Variants in SLC39A11 observed in about 807,000 individuals in gnomAD.
SLC39A11 encodes solute carrier family 39 member 11, also known as zinc transporter ZIP11.
SLC39A11 carries 33 observed loss-of-function variants against 36.1 expected under a neutral mutation model. That is an observed-to-expected ratio of 0.91 (90% CI 0.69 to 1.22). SLC39A11 has a LOEUF of 1.22. SLC39A11 is among the 50% of genes most tolerant of loss of function. SLC39A11 has a pLI of 0.00. For missense variants in SLC39A11, 432 were observed against 430.3 expected (o/e 1.00, Z -0.03); for synonymous variants, 166 against 170.3 (o/e 0.97, Z 0.20).
At position 73,001,737 on chromosome 17, in the gene SLC39A11, T is replaced by C. The variant is rs536025040; in HGVS notation, c.306+29819A>G. The stretch of plus-strand genomic sequence containing the variant: ...CATACAAGTCCAGCAAGCAAGGTTA[T>C]GTGTATACCTGGGTGATTTCTGCAA... On this transcript the variant is annotated intron_variant, in intron 4 of 9. Coordinates refer to ENST00000255559, the MANE Select transcript of SLC39A11 (RefSeq NM_139177.4). Among the ~76,000 whole-genome samples the C allele has an allele frequency of 8.5e-5, 13 of 152,160 alleles. No individual in the cohort carries two copies. In the East Asian group the frequency reaches 2.1e-3, roughly 25 times the overall value.
rs2567480 is a variant in SLC39A11 at position 72,832,547 on chromosome 17, A to T, written c.601+17087T>A. Among the ~76,000 whole-genome samples, 53 of 152,138 alleles carry T rather than the reference A, an allele frequency of 3.5e-4. 1 individual carries two copies. The highest frequency in any genetic ancestry group is 3.2e-3 in the Admixed American group (49 of 15,290). On this transcript the variant is annotated intron_variant, in intron 6 of 9. Coordinates refer to ENST00000255559, the MANE Select transcript of SLC39A11 (RefSeq NM_139177.4). ...GGAGAACTCAGCTGGCAATTACCAC[A>T]CTGAAAAGTGGGACAAACAACAGAG...
At chr17:72,926,024 C>T (rs1185393600) in intron 5 of SLC39A11, among the ~76,000 whole-genome samples, 5 of 152,190 alleles carry the variant, frequency 3.3e-5, no homozygotes, top group Admixed American at 1.3e-4. Flanking sequence ...CTTAGCAATA[C>T]ACAATCTAAT....
At chr17:72,976,848 C>CAA (rs11420956) in intron 4 of SLC39A11, among the ~76,000 whole-genome samples, 1 of 131,064 alleles carries the variant, frequency 7.6e-6, no homozygotes, top group African/African-American at 2.8e-5. Flanking sequence ...GACTCCGTCT[C>CAA]AAAAAAAAAA....
intron 3 of SLC39A11, among the ~76,000 whole-genome samples, chr17:73,063,443 T>C (rs1314078074): frequency 1.3e-5 from 2 of 152,104 alleles, no homozygotes; most frequent in African/African-American, 4.8e-5. Flanking sequence ...AAATGTATTT[T>C]CAGAGGGTAA....
chr17:73,038,444 A>C (rs1232132899), intron 3 of SLC39A11, among the ~76,000 whole-genome samples: 1 of 151,540 alleles, frequency 6.6e-6, no homozygotes, highest in African/African-American at 2.4e-5. Flanking sequence ...CACGCCTGTA[A>C]TCCTAGCACT....
intron 6 of SLC39A11, among the ~76,000 whole-genome samples, chr17:72,761,665 T>C (rs2075582208): frequency 6.6e-6 from 1 of 152,240 alleles, no homozygotes; most frequent in African/African-American, 2.4e-5. Flanking sequence ...ATACAACGTT[T>C]TGAACCGTGT....
In SLC39A11 at chr17:72,971,321, C is replaced by CAT. The variant is rs749827213; in HGVS notation, c.307-23447_307-23446insAT. Among the ~76,000 whole-genome samples the CAT allele has an allele frequency of 3.1e-3, 455 of 148,080 alleles. 1 individual carries two copies. The highest frequency in any genetic ancestry group is 0.012 in the South Asian group (56 of 4,790). ...CTCACCCCCTCCACACACACATACA[C>CAT]ACACACACACACACACTCTCTCTCT... On this transcript the variant is annotated intron_variant, in intron 4 of 9. Transcript: ENST00000255559.
intron 6 of SLC39A11, among the ~76,000 whole-genome samples, chr17:72,822,546 A>T (rs2145576962): frequency 6.6e-6 from 1 of 151,046 alleles, no homozygotes; most frequent in African/African-American, 2.4e-5. Context: ...TGAGAGAAAC[A>T]GGTGTCAATT....
At chr17:72,977,115 G>A (rs373168319) in intron 4 of SLC39A11, among the ~76,000 whole-genome samples, 2 of 152,294 alleles carry the variant, frequency 1.3e-5, no homozygotes. Context: ...AGAAAGCTGT[G>A]TCCAGTGAAG....
intron 3 of SLC39A11, among the ~76,000 whole-genome samples, chr17:73,077,580 C>T (rs1301242679): frequency 3.3e-5 from 5 of 152,146 alleles, no homozygotes; most frequent in South Asian, 2.1e-4. Flanking sequence ...CGCCTGCCTC[C>T]GCCTCCCAAA....
chr17:72,703,831 A>C (rs2072763216), intron 7 of SLC39A11, among the ~76,000 whole-genome samples: 1 of 152,176 alleles, frequency 6.6e-6, no homozygotes, highest in Non-Finnish European at 1.5e-5. Context: ...CCACCTCAAA[A>C]TAAGACAAAC....
chr17:72,819,152 TAGTTA>T (rs1176562733), intron 6 of SLC39A11, among the ~76,000 whole-genome samples: 5 of 140,862 alleles, frequency 3.5e-5, no homozygotes, highest in Admixed American at 3.4e-4. Flanking sequence ...CAGATATAAT[TAGTTA>T]AGTTAGAATG....
At chr17:72,681,274 C>T (rs1567940084) in intron 7 of SLC39A11, among the ~76,000 whole-genome samples, 1 of 152,168 alleles carries the variant, frequency 6.6e-6, no homozygotes, top group African/African-American at 2.4e-5. Flanking sequence ...TGGGCCTACT[C>T]TGAGGAGTGG....
intron 4 of SLC39A11, among the ~76,000 whole-genome samples, chr17:73,004,411 A>T (rs138862045): frequency 1.4e-4 from 22 of 152,282 alleles, no homozygotes; most frequent in African/African-American, 5.3e-4. Context: ...CACAGGGTGA[A>T]GTAAGAAAGA....
intron 6 of SLC39A11, among the ~76,000 whole-genome samples, chr17:72,814,603 C>A (rs1465006608): frequency 6.6e-6 from 1 of 152,206 alleles, no homozygotes; most frequent in East Asian, 1.9e-4. Context: ...AAGCAGCCTG[C>A]ATTTCCAGAG....
intron 7 of SLC39A11, among the ~76,000 whole-genome samples, chr17:72,721,423 G>A (rs995068591): frequency 6.6e-6 from 1 of 152,114 alleles, no homozygotes; most frequent in African/African-American, 2.4e-5. Flanking sequence ...CTAGCTACGG[G>A]GCTGTGGACG....
At chr17:72,653,455 GAGA>G (rs2069958591) in intron 7 of SLC39A11, among the ~76,000 whole-genome samples, 3 of 90,460 alleles carry the variant, frequency 3.3e-5, no homozygotes, top group African/African-American at 1.3e-4. Flanking sequence ...TTTTTTTTTT[GAGA>G]AGGAGTCTCG....
chr17:72,963,372 G>A (rs1011693300), intron 4 of SLC39A11, among the ~76,000 whole-genome samples: 51 of 151,464 alleles, frequency 3.4e-4, no homozygotes, highest in East Asian at 2.0e-3. Context: ...GGGTTTCACC[G>A]TGTTAGCCAG....
rs2079035587 is a variant in SLC39A11, at chr17:72,846,018, C to CTCTTTTTTTT, written c.601+3615_601+3616insAAAAAAAAGA. 1.5e-3 allele frequency among the ~76,000 whole-genome samples: 88 copies of CTCTTTTTTTT among 57,966 alleles called. 1 individual carries two copies. The highest frequency in any genetic ancestry group is 2.3e-3 in the Non-Finnish European group (80 of 35,242). 38.0% of individuals were successfully genotyped at this position (57,966 alleles called of 152,430 possible). A position where few individuals can be genotyped will look rare whatever the true frequency, so the allele number is the denominator to read the frequency against. On this transcript the variant is annotated intron_variant, in intron 6 of 9. Coordinates refer to ENST00000255559, the MANE Select transcript of SLC39A11 (RefSeq NM_139177.4). ...CCAATGAATCTCTCTCTCTCTCTCT[C>CTCTTTTTTTT]TTTTTTTTTTTTTTTTTTTTTTTTT...
Sources: gnomAD v4.1 joint callset for allele counts (sites outside exome capture counted in the v4.1 genomes callset) on GRCh38, gnomAD v4.1.1 for gene constraint, MANE v1.5 for transcripts, NCBI Gene and HGNC (gene_info 2026-07-23, HGNC 2026-07-21) for gene names.